Variants in NANS observed in about 807,000 individuals in gnomAD.
The protein encoded by NANS is N-acetylneuraminate-9-phosphate synthase.
Under a neutral mutation model 33.3 loss-of-function variants are expected in NANS, and 29 were observed. The ratio of observed to expected loss-of-function variants is 0.87; its 90% confidence interval spans 0.65 to 1.19. NANS has a LOEUF of 1.19. Ranked by LOEUF, NANS falls within the 50% of genes most tolerant of loss-of-function variation. The pLI is 0.00. For missense variants in NANS, 394 were observed against 461.1 expected, an observed-to-expected ratio of 0.85 and a Z score of 1.33; for synonymous variants, 163 against 177.2, an observed-to-expected ratio of 0.92 and a Z score of 0.64.
intron 5 of NANS, 183 bp downstream of exon 5, chr9:98,081,265 T>A: frequency 2.7e-6 from 2 of 753,840 alleles, no homozygotes; most frequent in Non-Finnish European, 4.2e-6. Flanking sequence ...CTCTGGCCTG[T>A]AGCAGCAGCA....
intron 2 of NANS, among the ~76,000 whole-genome samples, chr9:98,073,805 TG>T (rs2117884602): frequency 7.7e-6 from 1 of 130,664 alleles, no homozygotes; most frequent in South Asian, 2.9e-4. Context: ...AAGGGTTTTT[TG>T]GTTTATTTTT....
At chr9:98,065,694 C>T (rs1829128177) in intron 2 of NANS, among the ~76,000 whole-genome samples, 1 of 151,232 alleles carries the variant, frequency 6.6e-6, no homozygotes, top group South Asian at 2.1e-4. Context: ...TGTGTCTCCA[C>T]CGAAATCTCA....
At chr9:98,072,116 T>G (rs928880293) in intron 2 of NANS, among the ~76,000 whole-genome samples, 4 of 152,156 alleles carry the variant, frequency 2.6e-5, no homozygotes, top group African/African-American at 4.8e-5. Flanking sequence ...GTGCTCACAC[T>G]CTGTGTGGCT....
chr9:98,076,772 C>G (rs1191845579), intron 2 of NANS, 146 bp from the exon 3 acceptor site: 1 of 638,490 alleles, frequency 1.6e-6, no homozygotes, highest in African/African-American at 1.9e-5. Context: ...TGACTGAGAA[C>G]AAATCTTTGC....
chr9:98,062,934 TTTTA>T (rs1181447198), intron 2 of NANS, among the ~76,000 whole-genome samples: 2 of 151,892 alleles, frequency 1.3e-5, no homozygotes, highest in Admixed American at 6.6e-5. Context: ...TTTTATTTTA[TTTTA>T]TTTATTTTAT....
intron 4 of NANS, among the ~76,000 whole-genome samples, chr9:98,078,969 G>T (rs1056377670): frequency 2.0e-5 from 3 of 152,066 alleles, no homozygotes; most frequent in African/African-American, 7.2e-5. Flanking sequence ...TGAGTTATAG[G>T]AGGCCTTCTT....
intron 2 of NANS, among the ~76,000 whole-genome samples, chr9:98,071,961 C>T (rs903211815): frequency 2.0e-5 from 3 of 152,202 alleles, no homozygotes; most frequent in Admixed American, 1.3e-4. Flanking sequence ...GTTGAGAACC[C>T]GGAGCAGTTG....
At chr9:98,082,256 C>CTAT (rs1302990371) in intron 5 of NANS, 42 of 152,404 alleles carry the variant, frequency 2.8e-4, no homozygotes, top group Admixed American at 2.7e-3. Flanking sequence ...CTTCATATTT[C>CTAT]TATTTTACCA....
chr9:98,057,906 T>G (rs1370259136), intron 1 of NANS, among the ~76,000 whole-genome samples: 1 of 146,152 alleles, frequency 6.8e-6, no homozygotes, highest in Admixed American at 7.2e-5. Context: ...CTTACTGTTT[T>G]TTTTTTTTTT....
In NANS at chr9:98,077,992, G is replaced by A. The variant is rs1406956071; in HGVS notation, c.449-201G>A. The A allele has an allele frequency of 1.0e-4, 65 of 639,800 alleles. No homozygotes were observed. In the South Asian group the frequency reaches 1.4e-3, roughly 14 times the overall value. The allele number at this position is 639,800 out of a possible 1,614,324, so 39.6% of individuals were successfully genotyped here. ...TTTTGCTCAAGAACACTGTCGGGGG[G>A]CAGAGGGGAGCCCACCTTTCCTGTG... On this transcript the variant is annotated intron_variant, in intron 3 of 5. Coordinates refer to ENST00000210444, the MANE Select transcript of NANS (RefSeq NM_018946.4).
Position 98,060,860 on chromosome 9 carries a change from T to C in NANS, c.211T>C (p.Tyr71His), listed in dbSNP as rs770845183. Residue 71 changes from tyrosine (Y) to histidine (H), a missense_variant, in exon 2 of 6, where the codon TAC (tyrosine) becomes CAC (histidine). Tyr to His is a moderately conservative substitution (Grantham distance 83). Coordinates refer to ENST00000210444, the MANE Select transcript of NANS (RefSeq NM_018946.4). ...KFNRKALERP[Y>H]TSKHSWGKTY... ...TAATCGGAAAGCCTTGGAGAGGCCA[T>C]ACACCTCGAAGCATTCCTGGGGGAA... The C allele has an allele frequency of 2.5e-6, 4 of 1,614,172 alleles. No individual in the cohort carries two copies. Among genetic ancestry groups the C allele is most frequent in the Admixed American group, 3.3e-5 (2 of 60,022 alleles).
intron 2 of NANS, chr9:98,075,517 TGGTCCGTCGGTCCGTC>T (rs200058044): frequency 6.6e-6 from 1 of 151,852 alleles, no homozygotes; most frequent in African/African-American, 2.4e-5. Context: ...GTAGGTTGGT[TGGTCCGTCGGTCCGTC>T]GGTCCTAGAC....
chr9:98,060,605 G>T (rs543763742), intron 1 of NANS, among the ~76,000 whole-genome samples, 177 bp from the exon 2 acceptor site: 14 of 151,534 alleles, frequency 9.2e-5, no homozygotes, highest in African/African-American at 3.2e-4. Context: ...GGGAGGCATT[G>T]GTTGTAGTGA....
In NANS at chr9:98,060,899, C is replaced by T; in HGVS notation, c.250C>T (p.His84Tyr). 2 of 1,614,178 alleles carry T rather than the reference C, an allele frequency of 1.2e-6. No homozygotes were observed. Among genetic ancestry groups the T allele is most frequent in the Non-Finnish European group, 1.7e-6 (2 of 1,180,048 alleles). ...KHSWGKTYGE[H>Y]KRHLEFSHDQ... Reference sequence around the variant, plus strand: ...TTCCTGGGGGAAGACGTACGGGGAGCACAAACGACATCTGGAGTTCAGCCA... The same window carrying T: ...TTCCTGGGGGAAGACGTACGGGGAGTACAAACGACATCTGGAGTTCAGCCA... The change falls in exon 2 of 6, where the codon CAC becomes TAC. Residue 84 changes from histidine (H) to tyrosine (Y), a missense_variant. Coordinates refer to ENST00000210444, the MANE Select transcript of NANS (RefSeq NM_018946.4).
chr9:98,073,124 T>TC (rs1247249301), intron 2 of NANS, among the ~76,000 whole-genome samples: 1 of 152,072 alleles, frequency 6.6e-6, no homozygotes, highest in African/African-American at 2.4e-5. Flanking sequence ...ACAGTGGCCA[T>TC]CCCAGCAAAG....
Position 98,060,824 on chromosome 9 carries a change from G to C in NANS, c.175G>C (p.Glu59Gln), listed in dbSNP as rs1369832319. 1.9e-6 allele frequency: 3 copies of C among 1,614,112 alleles called. No individual in the cohort carries two copies. The African/African-American group carries it at 4.0e-5, about 22-fold the overall frequency. Residue 59 changes from glutamate to glutamine, a missense_variant, in exon 2 of 6, where the codon GAA becomes CAA. Transcript: ENST00000210444. ...TGCTAAGTTCCAGAAGAGTGAGCTAGAATTCAAGTTTAATCGGAAAGCCTT... is the reference window on the plus strand; with the variant it reads ...TGCTAAGTTCCAGAAGAGTGAGCTACAATTCAAGTTTAATCGGAAAGCCTT... ...DCAKFQKSEL[E>Q]FKFNRKALER... is the part of the protein sequence containing the mutation.
chr9:98,078,117 A>G (rs1043625579), intron 3 of NANS, 76 bp from the exon 4 acceptor site: 12 of 1,590,478 alleles, frequency 7.5e-6, no homozygotes, highest in African/African-American at 1.3e-5. Context: ...TGATGAGACC[A>G]GCAGTTGGGA....
chr9:98,069,148 T>TA (rs1259630195), intron 2 of NANS: 1 of 152,252 alleles, frequency 6.6e-6, no homozygotes, highest in African/African-American at 2.4e-5. Flanking sequence ...TGAGTGTCAT[T>TA]ACAACTTTTA....
chr9:98,071,706 G>A (rs563223866), intron 2 of NANS, among the ~76,000 whole-genome samples: 5 of 152,236 alleles, frequency 3.3e-5, no homozygotes, highest in African/African-American at 7.2e-5. Flanking sequence ...TTCATTTTCC[G>A]TGTGTGACCA....
Sources: gnomAD v4.1 joint callset for allele counts (sites outside exome capture counted in the v4.1 genomes callset) on GRCh38, gnomAD v4.1.1 for gene constraint, MANE v1.5 for transcripts, NCBI Gene and HGNC (gene_info 2026-07-23, HGNC 2026-07-21) for gene names.